The following IQSEC1 variants were observed in gnomAD, a reference collection of about 807,000 sequenced individuals.
IQSEC1 encodes IQ motif and SEC7 domain-containing protein 1.
IQSEC1 carries 31 observed loss-of-function variants against 91.0 expected under a neutral mutation model. That is an observed-to-expected ratio of 0.34 (90% CI 0.26 to 0.46). IQSEC1 has a LOEUF of 0.46. IQSEC1 is among the 20% of genes least tolerant of loss of function. The pLI, the probability that IQSEC1 is intolerant of heterozygous loss-of-function variation, is 1.00. For synonymous variants in IQSEC1, 699 were observed against 662.6 expected, an observed-to-expected ratio of 1.05 and a Z score of -0.84; for missense variants, 1,388 against 1,575.6, an observed-to-expected ratio of 0.88 and a Z score of 2.02.
At chr3:13,027,618 G>C (rs1052638672) in intron 1 of IQSEC1, among the ~76,000 whole-genome samples, 2 of 152,194 alleles carry the variant, frequency 1.3e-5, no homozygotes, top group African/African-American at 4.8e-5. Flanking sequence ...GGAGGTGAGA[G>C]AGAAAAGAGG....
chr3:13,005,862 C>T (rs1403771366), intron 1 of IQSEC1, among the ~76,000 whole-genome samples: 1 of 152,184 alleles, frequency 6.6e-6, no homozygotes, highest in Admixed American at 6.5e-5. Flanking sequence ...AGTGTCTGGA[C>T]AAGCCTCAGC....
chr3:13,128,876 CA>C (rs34011478), intron 2 of IQSEC1, among the ~76,000 whole-genome samples: 37,476 of 87,472 alleles, frequency 0.43, 4,137 homozygotes, highest in Admixed American at 0.5. Flanking sequence ...GACTCTGTCT[CA>C]AAAAAAAAAA....
Position 12,900,981 on chromosome 3 carries a change from G to A in IQSEC1, c.*2C>T. 2 of 1,543,694 alleles carry A rather than the reference G, an allele frequency of 1.3e-6. No individual in the cohort carries two copies. Among genetic ancestry groups the A allele is most frequent in the African/African-American group, 1.4e-5 (1 of 73,128 alleles). ...GGAGCCTGGGACCCCTACCCAGGCT[G>A]TCTACACAATTGTGCTGATGCCGCT... On this transcript the variant is annotated 3_prime_UTR_variant, in exon 14 of 14. Coordinates refer to ENST00000613206, the MANE Select transcript of IQSEC1 (RefSeq NM_001134382.3).
chr3:12,914,833 C>CCGGGGTCTGTTTCAGGCG (rs1695918206), intron 8 of IQSEC1, among the ~76,000 whole-genome samples: 1 of 151,970 alleles, frequency 6.6e-6, no homozygotes. Context: ...AGAGGACACA[C>CCGGGGTCTGTTTCAGGCG]CGGGGTCTGT....
chr3:13,072,915 C>T (rs1459003570), intron 1 of IQSEC1, 77 bp downstream of exon 1: 6 of 1,316,520 alleles, frequency 4.6e-6, no homozygotes, highest in Non-Finnish European at 6.4e-6. Context: ...CCCAACGATG[C>T]CCCTCACTCC....
intron 1 of IQSEC1, among the ~76,000 whole-genome samples, chr3:12,966,641 C>A (rs1458007796): frequency 6.6e-6 from 1 of 152,170 alleles, no homozygotes; most frequent in Non-Finnish European, 1.5e-5. Context: ...CTCTGACACA[C>A]CAGACTCCAT....
chr3:13,220,630 A>G (rs1159836073), intron 1 of IQSEC1, among the ~76,000 whole-genome samples: 1 of 152,244 alleles, frequency 6.6e-6, no homozygotes, highest in Non-Finnish European at 1.5e-5. Flanking sequence ...CCTCACGGCC[A>G]TCGCTGACTT....
rs538572078 is a variant in IQSEC1, at chr3:12,898,197, A to C, written c.*2786T>G. 2.5e-4 allele frequency: 38 copies of C among 152,334 alleles called. No individual in the cohort carries two copies. Among genetic ancestry groups the C allele is most frequent in the African/African-American group, 8.7e-4 (36 of 41,550 alleles). The allele number at this position is 152,334 out of a possible 1,614,324, so 9.4% of individuals were successfully genotyped here. ...CGAAGCTGTGGCTCTGACAGGTGGG[A>C]TCTCTAAAGGGGACAGTCCCATGAA... On this transcript the variant is annotated 3_prime_UTR_variant, in exon 14 of 14. Coordinates refer to ENST00000613206, the MANE Select transcript of IQSEC1 (RefSeq NM_001134382.3).
chr3:13,078,877 A>G (rs1576240329), intron 2 of IQSEC1, among the ~76,000 whole-genome samples: 1 of 151,632 alleles, frequency 6.6e-6, no homozygotes, highest in Non-Finnish European at 1.5e-5. Flanking sequence ...CCTACTTCTC[A>G]CCCTTCCTGT....
chr3:12,959,368 C>T (rs967958815), intron 1 of IQSEC1, among the ~76,000 whole-genome samples: 1 of 152,192 alleles, frequency 6.6e-6, no homozygotes, highest in Non-Finnish European at 1.5e-5. Context: ...ATCCAGGGGA[C>T]CCCCAATCCG....
At chr3:13,248,328 C>G (rs969771191) in intron 1 of IQSEC1, among the ~76,000 whole-genome samples, 2 of 152,228 alleles carry the variant, frequency 1.3e-5, no homozygotes, top group Admixed American at 1.3e-4. Flanking sequence ...AATCTCTCAG[C>G]TGGTGCTTGA....
rs541921813 is a variant in IQSEC1, at chr3:13,022,756, A to G, written c.23+50236T>C. 2.0e-5 allele frequency among the ~76,000 whole-genome samples: 3 copies of G among 152,360 alleles called. No individual in the cohort carries two copies. In the South Asian group the frequency reaches 6.2e-4, roughly 32 times the overall value. Reference sequence around the variant, plus strand: ...CTGCTCTGCCACCTCACTCCTAGAGAAAGCCTGGGGTTGACACAAAGCAAA... The same window carrying G: ...CTGCTCTGCCACCTCACTCCTAGAGGAAGCCTGGGGTTGACACAAAGCAAA... On this transcript the variant is annotated intron_variant, in intron 1 of 13. Transcript: ENST00000613206.
chr3:12,903,474 C>G (rs1024840061), intron 12 of IQSEC1, among the ~76,000 whole-genome samples: 2 of 152,208 alleles, frequency 1.3e-5, no homozygotes, highest in African/African-American at 2.4e-5. Context: ...GCTTGGGATT[C>G]CTCTGCTTGG....
chr3:13,179,160 C>A (rs981787876), intron 1 of IQSEC1, among the ~76,000 whole-genome samples: 12 of 152,192 alleles, frequency 7.9e-5, no homozygotes, highest in African/African-American at 2.9e-4. Flanking sequence ...TTAAAGCCTT[C>A]TTCCTTTGCA....
intron 1 of IQSEC1, among the ~76,000 whole-genome samples, chr3:12,998,374 G>C (rs1302612462): frequency 6.6e-6 from 1 of 151,892 alleles, no homozygotes; most frequent in African/African-American, 2.4e-5. Flanking sequence ...AACAAAACAA[G>C]ACAAAAACAA....
rs774641889 is a variant in IQSEC1, at chr3:12,902,855, G to T, written c.2756-33C>A. 1.9e-6 allele frequency: 3 copies of T among 1,562,942 alleles called. No homozygotes were observed. The South Asian group carries it at 3.3e-5, about 17-fold the overall frequency. The stretch of plus-strand genomic sequence containing the variant: ...GAACATGCAATACCAGAAGTTAGAC[G>T]CGGACATGAGGCTGGGGGTGCTGCC... On this transcript the variant is annotated intron_variant, in intron 12 of 13. Transcript: ENST00000613206.
At chr3:13,197,727 T>C (rs377591775) in intron 1 of IQSEC1, among the ~76,000 whole-genome samples, 1 of 152,138 alleles carries the variant, frequency 6.6e-6, no homozygotes, top group African/African-American at 2.4e-5. Context: ...GGCATCAACA[T>C]TGCAAGCTGG....
At chr3:13,241,995 T>C (rs942674195) in intron 1 of IQSEC1, among the ~76,000 whole-genome samples, 20 of 152,350 alleles carry the variant, frequency 1.3e-4, no homozygotes, top group African/African-American at 4.3e-4. Context: ...TTCTATTACA[T>C]GTGCTTTACC....
rs360818 is a variant in IQSEC1 at position 12,998,761 on chromosome 3, C to T, written c.24-56896G>A. ...TACATGGTTTTGCCATGTTGCCATG[C>T]CCTGGGGAAGGTTCTGGGTGATGAC... On this transcript the variant is annotated intron_variant, in intron 1 of 13. Coordinates refer to ENST00000613206, the MANE Select transcript of IQSEC1 (RefSeq NM_001134382.3). Among the ~76,000 whole-genome samples the T allele has an allele frequency of 6.0e-3, 906 of 152,198 alleles. 1 individual carries two copies. The highest frequency in any genetic ancestry group is 0.01 in the Non-Finnish European group (712 of 68,008).
Sources: gnomAD v4.1 joint callset for allele counts (sites outside exome capture counted in the v4.1 genomes callset) on GRCh38, gnomAD v4.1.1 for gene constraint, MANE v1.5 for transcripts, NCBI Gene and HGNC (gene_info 2026-07-23, HGNC 2026-07-21) for gene names.